Variants in RYR1 observed in about 807,000 individuals in gnomAD.
The protein encoded by RYR1 is ryanodine receptor 1, also known as central core disease of muscle.
A neutral mutation model predicts 583.5 loss-of-function variants in RYR1; 342 were observed. The ratio of observed to expected loss-of-function variants is 0.59; its 90% CI spans 0.54 to 0.64. The LOEUF (loss-of-function observed/expected upper bound fraction) is 0.64. Ranked by LOEUF, RYR1 falls within the 30% of genes least tolerant of loss-of-function variation. RYR1 has a pLI of 0.00. For missense variants in RYR1, 6,032 were observed against 6,917.2 expected, an observed-to-expected ratio of 0.87 and a Z score of 4.54; for synonymous variants, 2,791 against 2,822.5, an observed-to-expected ratio of 0.99 and a Z score of 0.35.
Position 38,452,919 on chromosome 19 carries a change from A to G in RYR1, c.1345A>G (p.Ile449Val). The change falls in exon 13 of 106, where the codon ATC becomes GTC. Residue 449 changes from isoleucine (I) to valine (V), a missense_variant. By Grantham distance (29) the Ile-to-Val change is conservative. Transcript: ENST00000359596. Reference sequence around the variant, plus strand: ...TATCCTGAGCCTGCAGGACCTCATCATCTACTTCGAGCCTCCCTCCGAGGA... The same window carrying G: ...TATCCTGAGCCTGCAGGACCTCATCGTCTACTTCGAGCCTCCCTCCGAGGA... The part of the protein sequence containing the change: ...GVILSLQDLI[I>V]YFEPPSEDLQ... 6.2e-7 allele frequency: 1 copy of G among 1,613,880 alleles called. No individual in the cohort carries two copies. The highest frequency in any genetic ancestry group is 1.3e-5 in the African/African-American group (1 of 75,058).
chr19:38,504,945 AT>A (rs766298279), intron 51 of RYR1, 34 bp downstream of exon 51: 49 of 1,613,970 alleles, frequency 3.0e-5, no homozygotes, highest in Admixed American at 2.0e-4. Context: ...AGAGAGGAAG[AT>A]TTCAGGGGTG....
rs896157692 is a variant in RYR1 at position 38,473,605 on chromosome 19, G to A, written c.3994G>A (p.Glu1332Lys). The A allele has an allele frequency of 5.7e-5, 89 of 1,574,146 alleles. No homozygotes were observed. The highest frequency in any genetic ancestry group is 7.1e-5 in the Non-Finnish European group (82 of 1,160,104). ...ARAAEPDPDY[E>K]NLRRSAGGWS... ...GGCGGCGGAACCCGACCCTGACTAC[G>A]AAAACCTGCGCCGCTCAGCTGGGGG... The change falls in exon 28 of 106, where the codon GAA (glutamate) becomes AAA (lysine). Residue 1332 changes from glutamate (E) to lysine (K), a missense_variant. Physicochemically the swap from Glu to Lys is moderately conservative, Grantham distance 56. Around this residue, in one of 11 missense-constraint regions of RYR1, gnomAD observed 2,627 missense variants for 2,961.3 expected, o/e 0.89. Coordinates refer to ENST00000359596, the MANE Select transcript of RYR1 (RefSeq NM_000540.3).
chr19:38,517,280 A>T (rs1486547244), intron 65 of RYR1, 79 bp from the exon 66 acceptor site: 52 of 1,396,968 alleles, frequency 3.7e-5, no homozygotes, highest in Admixed American at 1.4e-4. Context: ...ATGGTGTCTG[A>T]TGTATTGCGG....
intron 76 of RYR1, among the ~76,000 whole-genome samples, chr19:38,531,299 C>G (rs1048019844): frequency 9.2e-5 from 14 of 151,958 alleles, no homozygotes; most frequent in African/African-American, 3.4e-4. Flanking sequence ...CAAGTTGAGT[C>G]CCAGCGCAAG....
chr19:38,451,150 G>T (rs142420600), intron 11 of RYR1, among the ~76,000 whole-genome samples: 21 of 152,338 alleles, frequency 1.4e-4, no homozygotes, highest in Non-Finnish European at 2.9e-4. Flanking sequence ...CCTTGGGGAG[G>T]CACTCGTTTG....
chr19:38,447,878 A>T (rs1239403173), intron 9 of RYR1, among the ~76,000 whole-genome samples: 1 of 150,532 alleles, frequency 6.6e-6, no homozygotes, highest in Non-Finnish European at 1.5e-5. Flanking sequence ...CAAAAATAAA[A>T]AATGAAGTCT....
rs369940086 is a variant in RYR1 at position 38,512,016 on chromosome 19, C to T, written c.9173-56C>T. The T allele has an allele frequency of 1.9e-6, 3 of 1,574,922 alleles. No individual in the cohort carries two copies. The African/African-American group carries it at 4.1e-5, about 21-fold the overall frequency. On this transcript the variant is annotated intron_variant, in intron 61 of 105. Transcript: ENST00000359596. The surrounding 1 kb of genome is among the most constrained non-coding windows in gnomAD (Gnocchi z 5.1). The stretch of plus-strand genomic sequence containing the variant: ...CGGTTGGGGTGGATGTAGAGGGAGG[C>T]ACTGTCCTCTGTCCTCTTAGCCATG...
At chr19:38,505,536 C>A in intron 53 of RYR1, 138 bp downstream of exon 53, 1 of 784,906 alleles carries the variant, frequency 1.3e-6, no homozygotes, top group Non-Finnish European at 2.1e-6. Flanking sequence ...ATGGACTTTG[C>A]CTTCTCTCAA....
rs1437518287 is a variant in RYR1, at chr19:38,499,751, G to A, written c.7144G>A (p.Glu2382Lys). Residue 2382 changes from glutamate (E) to lysine (K), a missense_variant, in exon 44 of 106, where the codon GAG becomes AAG. Glu to Lys is a moderately conservative substitution (Grantham distance 56). Transcript: ENST00000359596. This position sits in a 1 kb window ranked among gnomAD's most constrained non-coding sequence, Gnocchi z 7.3. The part of the protein sequence containing the change: ...GGSGLLAAIE[E>K]AIRISEDPAR... ...CTCAGGGCTGCTGGCTGCCATCGAA[G>A]AGGCCATCCGCATCTCCGAGGACCC... The A allele has an allele frequency of 1.2e-6, 2 of 1,602,058 alleles. No individual in the cohort carries two copies. The highest frequency in any genetic ancestry group is 1.3e-5 in the African/African-American group (1 of 74,950).
chr19:38,458,045 C>T lies in RYR1; in HGVS notation c.1926-6C>T, dbSNP rs1281457211. Reference sequence around the variant, plus strand: ...ATCCCCCTCTCCTGTCCCATCTCTCCTGCAGCATCCGCCCCAACATCTTTG... The same window carrying T: ...ATCCCCCTCTCCTGTCCCATCTCTCTTGCAGCATCCGCCCCAACATCTTTG... On this transcript the variant is annotated splice_polypyrimidine_tract_variant and splice_region_variant and intron_variant, in intron 17 of 105. Coordinates refer to ENST00000359596, the MANE Select transcript of RYR1 (RefSeq NM_000540.3). The T allele has an allele frequency of 1.9e-6, 3 of 1,613,224 alleles. No individual in the cohort carries two copies. The highest frequency in any genetic ancestry group is 1.1e-5 in the South Asian group (1 of 91,056).
rs1350776543 is a variant in RYR1, at chr19:38,529,094, A to G, written c.11141+37A>G. 3.7e-6 allele frequency: 6 copies of G among 1,603,202 alleles called. No homozygotes were observed. In the East Asian group the frequency reaches 1.3e-4, roughly 36 times the overall value. Reference sequence around the variant, plus strand: ...TGCCAGGGCCCCAGAAATGCCCCCAAGGTCCTGGGGCCACCCCCAGCCCAG... The same window carrying G: ...TGCCAGGGCCCCAGAAATGCCCCCAGGGTCCTGGGGCCACCCCCAGCCCAG... On this transcript the variant is annotated intron_variant, in intron 76 of 105. Coordinates refer to ENST00000359596, the MANE Select transcript of RYR1 (RefSeq NM_000540.3).
In RYR1 at chr19:38,505,793, C is replaced by T; in HGVS notation, c.8401-13C>T. 1.2e-6 allele frequency: 2 copies of T among 1,614,102 alleles called. No individual in the cohort carries two copies. The highest frequency in any genetic ancestry group is 8.5e-7 in the Non-Finnish European group (1 of 1,180,006). ...CCCATTCCACCAACTCCCCACCCTC[C>T]TGTCCACCCCAGGACAAAGAGATTT... is the stretch of plus-strand genomic sequence containing the variant. On this transcript the variant is annotated splice_polypyrimidine_tract_variant and intron_variant, in intron 53 of 105. Transcript: ENST00000359596.
rs886038331 is a variant in RYR1, at chr19:38,478,468, C to T, written c.4488C>T (p.Gly1496=). The change falls in exon 31 of 106, where the codon GGC becomes GGT. Residue 1496 remains glycine, a synonymous_variant. Coordinates refer to ENST00000359596, the MANE Select transcript of RYR1 (RefSeq NM_000540.3). ...LKCSNCYMVW[G]GDFVSPGQQG... ...GTAGCAACTGCTACATGGTGTGGGG[C>T]GGAGACTTTGTGAGTCCCGGGCAGC... The T allele has an allele frequency of 1.2e-5, 20 of 1,613,812 alleles. No individual in the cohort carries two copies. Among genetic ancestry groups the T allele is most frequent in the East Asian group, 4.5e-5 (2 of 44,892 alleles).
At position 38,496,912 on chromosome 19, in the gene RYR1, C is replaced by T. The variant is rs1213211950; in HGVS notation, c.6849C>T (p.Asn2283=). The T allele has an allele frequency of 6.2e-7, 1 of 1,613,480 alleles. No homozygotes were observed. Among genetic ancestry groups the T allele is most frequent in the Non-Finnish European group, 8.5e-7 (1 of 1,180,024 alleles). The change falls in exon 42 of 106, where the codon AAC becomes AAT. Residue 2283 remains asparagine (N), a synonymous_variant. Transcript: ENST00000359596. This position sits in a 1 kb window ranked among gnomAD's most constrained non-coding sequence, Gnocchi z 4.8. ...TGGCTGCTGCCTCCGTCATTGACAA[C>T]AATGAGCTGGCCTTGGCATTGCAGG... ...LDVAAASVID[N]NELALALQEQ...
rs1441013623 is a variant in RYR1, at chr19:38,543,843, G to A, written c.11980G>A (p.Val3994Met). The change falls in exon 87 of 106, where the codon GTG becomes ATG. Residue 3994 changes from valine to methionine, a missense_variant. By Grantham distance (21) the Val-to-Met change is conservative (BLOSUM62 1). This residue lies in a region of RYR1 where 82 missense variants were observed against 139.7 expected (regional missense o/e 0.59). Coordinates refer to ENST00000359596, the MANE Select transcript of RYR1 (RefSeq NM_000540.3). The surrounding 1 kb of genome is among the most constrained non-coding windows in gnomAD (Gnocchi z 4.4). The part of the protein sequence containing the change: ...LWDAVVGFLH[V>M]FAHMMMKLAQ... Reference sequence around the variant, plus strand: ...GGACGCAGTGGTGGGATTCCTGCACGTGTTCGCCCACATGATGATGAAGCT... The same window carrying A: ...GGACGCAGTGGTGGGATTCCTGCACATGTTCGCCCACATGATGATGAAGCT... 10 of 1,613,702 alleles carry A rather than the reference G, an allele frequency of 6.2e-6. No homozygotes were observed. The highest frequency in any genetic ancestry group is 8.5e-6 in the Non-Finnish European group (10 of 1,180,040).
intron 39 of RYR1, among the ~76,000 whole-genome samples, chr19:38,495,454 T>A (rs1969774465): frequency 6.6e-6 from 1 of 152,102 alleles, no homozygotes; most frequent in African/African-American, 2.4e-5. Flanking sequence ...CAAGCGATCC[T>A]CCTGCCTCAG....
chr19:38,504,103 C>G (rs1283395319), intron 49 of RYR1, 117 bp from the exon 50 acceptor site: 1 of 1,133,984 alleles, frequency 8.8e-7, no homozygotes, highest in Non-Finnish European at 1.3e-6. Context: ...TTTGCATAAC[C>G]CACACCTCCT....
chr19:38,537,679 A>C (rs1373135139), intron 83 of RYR1, among the ~76,000 whole-genome samples: 1 of 152,102 alleles, frequency 6.6e-6, no homozygotes, highest in Non-Finnish European at 1.5e-5. Flanking sequence ...CCGTCTGCTG[A>C]TGTCATGGGC....
At chr19:38,498,439 T>C (rs1422103040) in intron 42 of RYR1, among the ~76,000 whole-genome samples, 1 of 152,100 alleles carries the variant, frequency 6.6e-6, no homozygotes, top group Non-Finnish European at 1.5e-5. Context: ...GAAAGGGGTC[T>C]GGATCCAGGC....
Sources: allele counts gnomAD v4.1 joint callset (sites outside exome capture counted in the v4.1 genomes callset), GRCh38; gene constraint gnomAD v4.1.1; regional missense constraint gnomAD v4.1.1; non-coding constraint Gnocchi (gnomAD v3.1); transcripts MANE v1.5; gene names NCBI Gene and HGNC (gene_info 2026-07-23, HGNC 2026-07-21).